Variants in CSMD3 observed in about 807,000 individuals in gnomAD.
CSMD3 encodes CUB and Sushi multiple domains 3.
A neutral mutation model predicts 435.2 loss-of-function variants in CSMD3; 177 were observed. The observed-to-expected ratio is 0.41, with a 90% CI of 0.36 to 0.46. CSMD3 has a LOEUF of 0.46. Ranked by LOEUF, CSMD3 falls within the 20% of genes least tolerant of loss-of-function variation. The pLI is 0.34. For missense variants in CSMD3, 4,265 were observed against 4,504.6 expected (o/e 0.95, Z 1.52); for synonymous variants, 1,656 against 1,520.5 (o/e 1.09, Z -2.07).
chr8:113,278,549 T>C (rs1481671272), intron 3 of CSMD3, 43 bp downstream of exon 3: 2 of 923,980 alleles, frequency 2.2e-6, no homozygotes, highest in Non-Finnish European at 3.6e-6. Flanking sequence ...TTTTGTTAGA[T>C]TACATTAAGG....
At chr8:112,357,017 C>T (rs1446597675) in intron 38 of CSMD3, among the ~76,000 whole-genome samples, 1 of 152,076 alleles carries the variant, frequency 6.6e-6, no homozygotes, top group Admixed American at 6.5e-5. Context: ...CACTTTGGAA[C>T]TGGATAACTG....
At chr8:112,365,955 A>G (rs1827748071) in intron 38 of CSMD3, among the ~76,000 whole-genome samples, 1 of 152,208 alleles carries the variant, frequency 6.6e-6, no homozygotes, top group African/African-American at 2.4e-5. Flanking sequence ...TGCCCAGATC[A>G]GCTGCAGACG....
intron 22 of CSMD3, among the ~76,000 whole-genome samples, chr8:112,610,447 T>C (rs1833169611): frequency 6.6e-6 from 1 of 152,154 alleles, no homozygotes. Flanking sequence ...TGTCTAATAT[T>C]TCCCTAGTTC....
At chr8:112,962,168 T>C (rs1056981285) in intron 7 of CSMD3, among the ~76,000 whole-genome samples, 1 of 151,866 alleles carries the variant, frequency 6.6e-6, no homozygotes, top group South Asian at 2.1e-4. Flanking sequence ...ACTTTTTTTT[T>C]CTGATATATT....
chr8:112,414,874 G>A (rs1232889437), intron 32 of CSMD3, among the ~76,000 whole-genome samples: 1 of 152,146 alleles, frequency 6.6e-6, no homozygotes, highest in East Asian at 1.9e-4. Flanking sequence ...TTGCCCCTGT[G>A]CTAGAGATGT....
chr8:112,577,742 T>G (rs1426822336), intron 23 of CSMD3, among the ~76,000 whole-genome samples: 1 of 152,078 alleles, frequency 6.6e-6, no homozygotes, highest in Non-Finnish European at 1.5e-5. Flanking sequence ...AAATTAGTTA[T>G]GGTGTACAGA....
chr8:112,767,924 T>A lies in CSMD3; in HGVS notation c.1972+32238A>T, dbSNP rs1163983132. On this transcript the variant is annotated intron_variant, in intron 13 of 70. Transcript: ENST00000297405. ...TTCTTAGCAAAGTAGTTTCCAAGTC[T>A]GGCTGTACATTAGAATACCCTAGGG... Among the ~76,000 whole-genome samples the A allele has an allele frequency of 8.6e-5, 13 of 151,778 alleles. No individual in the cohort carries two copies. The Admixed American group carries it at 8.6e-4, about 10-fold the overall frequency.
intron 4 of CSMD3, among the ~76,000 whole-genome samples, chr8:113,131,758 C>T (rs530181759): frequency 8.5e-5 from 13 of 152,238 alleles, no homozygotes; most frequent in East Asian, 1.9e-4. Flanking sequence ...CCAACAGCAC[C>T]GTGCACCTGG....
At chr8:112,749,084 T>C (rs1286927742) in intron 13 of CSMD3, among the ~76,000 whole-genome samples, 6 of 152,144 alleles carry the variant, frequency 3.9e-5, no homozygotes, top group Admixed American at 1.3e-4. Flanking sequence ...CATTTCTCTA[T>C]TGATCAGTGA....
chr8:113,273,800 T>C (rs886795299), intron 3 of CSMD3, among the ~76,000 whole-genome samples: 1 of 152,130 alleles, frequency 6.6e-6, no homozygotes, highest in South Asian at 2.1e-4. Context: ...TTGTATTATA[T>C]GTTGATTAAT....
At chr8:112,922,017 T>C (rs1000027719) in intron 9 of CSMD3, among the ~76,000 whole-genome samples, 31 of 152,066 alleles carry the variant, frequency 2.0e-4, no homozygotes, top group African/African-American at 7.2e-4. Context: ...AAAATGTGGC[T>C]ATTCTGACTT....
intron 9 of CSMD3, among the ~76,000 whole-genome samples, chr8:112,945,491 C>T (rs891034342): frequency 6.6e-6 from 1 of 151,446 alleles, no homozygotes; most frequent in African/African-American, 2.4e-5. Flanking sequence ...AGATCCTGCC[C>T]AGCCTAGAGA....
chr8:113,003,723 A>G (rs1252489028), intron 6 of CSMD3, among the ~76,000 whole-genome samples: 2 of 152,028 alleles, frequency 1.3e-5, no homozygotes, highest in East Asian at 3.9e-4. Flanking sequence ...GTTTAAAACT[A>G]GGATTTGATT....
At position 112,561,396 on chromosome 8, in the gene CSMD3, T is replaced by C. The variant is rs552573604; in HGVS notation, c.4043-4442A>G. 7.9e-5 allele frequency among the ~76,000 whole-genome samples: 12 copies of C among 151,772 alleles called. No individual in the cohort carries two copies. In the South Asian group the frequency reaches 2.5e-3, roughly 31 times the overall value. ...TTTCTGAATACCTTAAACTGAGATT[T>C]CATTCCTTTCCTGCCACCGTGTAGC... On this transcript the variant is annotated intron_variant, in intron 24 of 70. Coordinates refer to ENST00000297405, the MANE Select transcript of CSMD3 (RefSeq NM_198123.2).
chr8:112,707,610 G>A (rs1340017926), intron 13 of CSMD3, among the ~76,000 whole-genome samples: 3 of 151,926 alleles, frequency 2.0e-5, no homozygotes, highest in Non-Finnish European at 2.9e-5. Flanking sequence ...CTAGGTCTTT[G>A]GAGCTGATTT....
At chr8:112,300,082 T>A (rs768958266) in intron 53 of CSMD3, among the ~76,000 whole-genome samples, 6 of 148,612 alleles carry the variant, frequency 4.0e-5, no homozygotes, top group Admixed American at 2.0e-4. Flanking sequence ...AAAATTTAGT[T>A]TTATTTTAAC....
At chr8:113,340,741 C>G (rs2094112622) in intron 1 of CSMD3, among the ~76,000 whole-genome samples, 2 of 151,826 alleles carry the variant, frequency 1.3e-5, no homozygotes, top group Non-Finnish European at 2.9e-5. Context: ...GGTGCAGTAG[C>G]CCCTGTAGTC....
At chr8:112,417,727 G>C (rs1812064714) in intron 32 of CSMD3, among the ~76,000 whole-genome samples, 2 of 152,056 alleles carry the variant, frequency 1.3e-5, no homozygotes, top group South Asian at 2.1e-4. Flanking sequence ...GTAATTATCA[G>C]CTTTCTTTTG....
chr8:112,596,398 C>G (rs1173983882), intron 22 of CSMD3, among the ~76,000 whole-genome samples: 2 of 151,910 alleles, frequency 1.3e-5, no homozygotes, highest in Non-Finnish European at 2.9e-5. Context: ...GAGACTTAGA[C>G]TCCCACACAT....
Sources: allele counts gnomAD v4.1 joint callset (sites outside exome capture counted in the v4.1 genomes callset), GRCh38; gene constraint gnomAD v4.1.1; transcripts MANE v1.5; gene names NCBI Gene and HGNC (gene_info 2026-07-23, HGNC 2026-07-21).